Variants in PATJ observed in about 807,000 individuals in gnomAD.
The protein encoded by PATJ is PATJ crumbs cell polarity complex component.
PATJ carries 190 observed loss-of-function variants against 224.9 expected under a neutral mutation model. The ratio of observed to expected loss-of-function variants is 0.84; its 90% confidence interval spans 0.75 to 0.95. The LOEUF (loss-of-function observed/expected upper bound fraction) is 0.95, where lower values mean the gene tolerates loss of function less well. Among genes scored for constraint, PATJ ranks in the 40% least tolerant of loss-of-function variants. PATJ has a pLI of 0.00. For missense variants in PATJ, 2,121 were observed against 2,270.3 expected (o/e 0.93, Z 1.34); for synonymous variants, 769 against 820.3 (o/e 0.94, Z 1.07).
chr1:62,139,891 C>A (rs1667328206), intron 41 of PATJ, among the ~76,000 whole-genome samples: 1 of 151,908 alleles, frequency 6.6e-6, no homozygotes, highest in Non-Finnish European at 1.5e-5. Context: ...TCCCAAATAG[C>A]TGGGGCTACA....
chr1:61,893,236 T>C (rs550898252), intron 22 of PATJ, among the ~76,000 whole-genome samples: 2 of 152,262 alleles, frequency 1.3e-5, no homozygotes, highest in South Asian at 4.1e-4. Context: ...AAAATGTGTG[T>C]ATACTAAAAC....
intron 28 of PATJ, among the ~76,000 whole-genome samples, chr1:62,002,311 G>C (rs1305096919): frequency 6.6e-6 from 1 of 152,178 alleles, no homozygotes; most frequent in Non-Finnish European, 1.5e-5. Flanking sequence ...TAGTGTGGTA[G>C]TACTGGACTC....
intron 41 of PATJ, among the ~76,000 whole-genome samples, chr1:62,135,177 G>A (rs1292808879): frequency 6.6e-6 from 1 of 152,078 alleles, no homozygotes; most frequent in African/African-American, 2.4e-5. Flanking sequence ...CTAATATGCA[G>A]CCAGGGGTAA....
chr1:61,810,148 C>T (rs1362028193), intron 14 of PATJ, among the ~76,000 whole-genome samples: 1 of 152,046 alleles, frequency 6.6e-6, no homozygotes, highest in Non-Finnish European at 1.5e-5. Flanking sequence ...CCACGCCTGG[C>T]CAGGTTTGAA....
chr1:61,780,204 C>T (rs767511113), intron 7 of PATJ, among the ~76,000 whole-genome samples: 15 of 152,074 alleles, frequency 9.9e-5, no homozygotes, highest in Non-Finnish European at 2.1e-4. Context: ...TGGCTCATGC[C>T]TGTAATCCCA....
In PATJ at chr1:61,908,482, A is replaced by G. The variant is rs768074746; in HGVS notation, c.3492A>G (p.Arg1164=). 3 of 1,592,472 alleles carry G rather than the reference A, an allele frequency of 1.9e-6. No individual in the cohort carries two copies. Among genetic ancestry groups the G allele is most frequent in the Non-Finnish European group, 2.6e-6 (3 of 1,160,430 alleles). The change falls in exon 25 of 44, where the codon CGA becomes CGG. Residue 1164 remains arginine (R), a splice_region_variant and synonymous_variant. Transcript: ENST00000642238. ...TTCAGAGTTTGTCATCCACTCCACG[A>G]GTAAGTTTTAGTTCATATTTTCAAA... is the stretch of plus-strand genomic sequence containing the variant. ...FIVQSLSSTP[R]VIPNVHNKAN...
At chr1:61,995,880 C>T (rs1412287152) in intron 28 of PATJ, among the ~76,000 whole-genome samples, 1 of 152,170 alleles carries the variant, frequency 6.6e-6, no homozygotes, top group African/African-American at 2.4e-5. Context: ...ATCTTCCCTT[C>T]AGTGCCAATG....
chr1:61,976,379 T>A (rs1180283399), intron 27 of PATJ, among the ~76,000 whole-genome samples: 1 of 152,022 alleles, frequency 6.6e-6, no homozygotes, highest in Non-Finnish European at 1.5e-5. Flanking sequence ...GTTATACTTA[T>A]AGCATTGTTG....
intron 20 of PATJ, among the ~76,000 whole-genome samples, chr1:61,869,341 C>T (rs1181346687): frequency 6.6e-6 from 1 of 151,986 alleles, no homozygotes; most frequent in East Asian, 1.9e-4. Context: ...CTCCTGACCT[C>T]GTGATCCGCC....
intron 30 of PATJ, among the ~76,000 whole-genome samples, chr1:62,048,631 T>A (rs1029383463): frequency 4.0e-5 from 6 of 151,728 alleles, no homozygotes; most frequent in African/African-American, 1.5e-4. Flanking sequence ...AAGTTAACTG[T>A]ACCTGGTGTT....
At chr1:61,833,473 A>G (rs1353987723) in intron 16 of PATJ, 181 bp from the exon 17 acceptor site, 3 of 469,434 alleles carry the variant, frequency 6.4e-6, no homozygotes, top group Non-Finnish European at 1.1e-5. Context: ...TTTTTATAAG[A>G]TCTTATCCTG....
intron 31 of PATJ, among the ~76,000 whole-genome samples, chr1:62,054,822 C>T (rs950395466): frequency 7.2e-5 from 11 of 152,130 alleles, no homozygotes; most frequent in East Asian, 3.9e-4. Context: ...TTTGGGATGC[C>T]GAGGCGGGGA....
chr1:62,069,093 A>G (rs1307310832), intron 31 of PATJ, among the ~76,000 whole-genome samples: 1 of 152,134 alleles, frequency 6.6e-6, no homozygotes, highest in Non-Finnish European at 1.5e-5. Flanking sequence ...TTCCCAACCC[A>G]AGTTTAAAAT....
chr1:62,068,306 A>G (rs1209070803), intron 31 of PATJ, among the ~76,000 whole-genome samples: 1 of 152,204 alleles, frequency 6.6e-6, no homozygotes, highest in African/African-American at 2.4e-5. Context: ...CTCAAGGGCT[A>G]GAGGTTTGTT....
chr1:61,750,037 A>G (rs1645234787), intron 1 of PATJ, among the ~76,000 whole-genome samples: 1 of 152,234 alleles, frequency 6.6e-6, no homozygotes, highest in Non-Finnish European at 1.5e-5. Context: ...TGTAATTTAT[A>G]TAAAGTTTAA....
chr1:62,063,261 G>A (rs1655854964), intron 31 of PATJ, among the ~76,000 whole-genome samples: 1 of 152,138 alleles, frequency 6.6e-6, no homozygotes, highest in Non-Finnish European at 1.5e-5. Flanking sequence ...TTGACATGTG[G>A]AACCTTTCCA....
At chr1:61,959,200 C>A (rs1411111382) in intron 27 of PATJ, among the ~76,000 whole-genome samples, 1 of 151,844 alleles carries the variant, frequency 6.6e-6, no homozygotes, top group Non-Finnish European at 1.5e-5. Flanking sequence ...AATAGGCCAG[C>A]TAGACCTTTA....
At chr1:61,831,944 A>G (rs1659402017) in intron 16 of PATJ, among the ~76,000 whole-genome samples, 1 of 152,242 alleles carries the variant, frequency 6.6e-6, no homozygotes, top group Non-Finnish European at 1.5e-5. Context: ...TCAACAGTGG[A>G]CTAGGTAAAG....
chr1:61,818,182 T>G (rs1293013028), intron 14 of PATJ, among the ~76,000 whole-genome samples: 2 of 152,236 alleles, frequency 1.3e-5, no homozygotes, highest in African/African-American at 2.4e-5. Context: ...CCTCAAGCCT[T>G]CTTGATCTCA....
Sources: gnomAD v4.1 joint callset for allele counts (sites outside exome capture counted in the v4.1 genomes callset) on GRCh38, gnomAD v4.1.1 for gene constraint, MANE v1.5 for transcripts, NCBI Gene and HGNC (gene_info 2026-07-23, HGNC 2026-07-21) for gene names.